AFG2A: variants seen among roughly 807,000 people sequenced by gnomAD.
AFG2A encodes ATPase family gene 2 protein homolog A.
At chr4:123,247,083 T>C in the AFG2A span, among the ~76,000 whole-genome samples, 1 of 152,194 alleles carries the variant, frequency 6.6e-6, no homozygotes, top group East Asian at 1.9e-4. Flanking sequence ...GATTTTGTTT[T>C]TAAAAATACA....
the AFG2A span, among the ~76,000 whole-genome samples, chr4:123,040,075 TATTC>T: frequency 2.0e-5 from 3 of 152,130 alleles, no homozygotes; most frequent in Admixed American, 2.0e-4. Context: ...GTAATATTCT[TATTC>T]ATTTTCTTTT....
the AFG2A span, among the ~76,000 whole-genome samples, chr4:123,198,466 T>C: frequency 1.9e-4 from 29 of 152,340 alleles, no homozygotes; most frequent in East Asian, 5.6e-3. Context: ...AACTGCCTGG[T>C]TGAACCCCTT....
the AFG2A span, among the ~76,000 whole-genome samples, chr4:123,000,274 T>C: frequency 6.0e-4 from 91 of 150,758 alleles, no homozygotes; most frequent in Middle Eastern, 3.4e-3. Context: ...ACTTCCTCTT[T>C]TCCTAACTGA....
At chr4:123,125,053 G>A in the AFG2A span, among the ~76,000 whole-genome samples, 3 of 152,258 alleles carry the variant, frequency 2.0e-5, no homozygotes, top group East Asian at 5.8e-4. Context: ...TATTCCAGAT[G>A]TGTTCACATA....
At chr4:123,058,449 A>T in the AFG2A span, among the ~76,000 whole-genome samples, 4 of 152,138 alleles carry the variant, frequency 2.6e-5, no homozygotes, top group Non-Finnish European at 4.4e-5. Flanking sequence ...ACATGGTGAA[A>T]CGCTGTCTCT....
At chr4:122,950,114 G>C in the AFG2A span, among the ~76,000 whole-genome samples, 1 of 152,186 alleles carries the variant, frequency 6.6e-6, no homozygotes, top group Non-Finnish European at 1.5e-5. Flanking sequence ...ATACATGATG[G>C]GGTGATGAGA....
At chr4:123,218,490 A>G in the AFG2A span, among the ~76,000 whole-genome samples, 1 of 152,164 alleles carries the variant, frequency 6.6e-6, no homozygotes, top group Admixed American at 6.5e-5. Flanking sequence ...GTTGACTATG[A>G]ACTCCTTCGT....
chr4:122,998,873 T>C, the AFG2A span, among the ~76,000 whole-genome samples: 1 of 152,222 alleles, frequency 6.6e-6, no homozygotes, highest in Non-Finnish European at 1.5e-5. Flanking sequence ...TCTAGATCCC[T>C]GAGGAATTGC....
chr4:123,066,480 G>T, the AFG2A span, among the ~76,000 whole-genome samples: 2 of 151,976 alleles, frequency 1.3e-5, no homozygotes, highest in African/African-American at 4.8e-5. Flanking sequence ...TTCTTTTGTG[G>T]CCTAGACAAG....
the AFG2A span, among the ~76,000 whole-genome samples, chr4:123,155,030 G>A: frequency 6.6e-6 from 1 of 151,668 alleles, no homozygotes; most frequent in Non-Finnish European, 1.5e-5. Context: ...CTTGATCTGT[G>A]AACATTCTCT....
the AFG2A span, among the ~76,000 whole-genome samples, chr4:123,031,688 A>G: frequency 6.6e-6 from 1 of 152,204 alleles, no homozygotes; most frequent in South Asian, 2.1e-4. Flanking sequence ...TGAAAGGAAA[A>G]ACTCCCTATC....
At chr4:123,005,970 T>C in the AFG2A span, among the ~76,000 whole-genome samples, 2 of 152,242 alleles carry the variant, frequency 1.3e-5, no homozygotes, top group African/African-American at 2.4e-5. Context: ...ATGTACTCAA[T>C]GTAGTCACCA....
At chr4:123,146,591 A>G in the AFG2A span, among the ~76,000 whole-genome samples, 2 of 152,170 alleles carry the variant, frequency 1.3e-5, no homozygotes, top group African/African-American at 4.8e-5. Context: ...CTGTTTAATA[A>G]TAGACATCAG....
the AFG2A span, among the ~76,000 whole-genome samples, chr4:123,230,412 A>G: frequency 6.6e-6 from 1 of 151,976 alleles, no homozygotes; most frequent in Non-Finnish European, 1.5e-5. Context: ...AAGTTTTTTC[A>G]TGAGATTCCT....
At chr4:123,006,671 T>G in the AFG2A span, among the ~76,000 whole-genome samples, 2 of 152,146 alleles carry the variant, frequency 1.3e-5, no homozygotes, top group East Asian at 3.8e-4. Flanking sequence ...TTGTGGACAT[T>G]GTAGTTTTCT....
At chr4:123,093,380 G>A in the AFG2A span, among the ~76,000 whole-genome samples, 2 of 152,180 alleles carry the variant, frequency 1.3e-5, no homozygotes, top group African/African-American at 2.4e-5. Flanking sequence ...CTGGGTCACT[G>A]CCATGGAAAC....
the AFG2A span, among the ~76,000 whole-genome samples, chr4:123,203,155 CT>C: frequency 0.048 from 6,210 of 128,970 alleles, 227 homozygotes; most frequent in South Asian, 0.12. Flanking sequence ...AATAGTTGTA[CT>C]TTTTTTTTTT....
the AFG2A span, among the ~76,000 whole-genome samples, chr4:123,286,446 GA>G: frequency 1.3e-5 from 2 of 152,114 alleles, no homozygotes; most frequent in Non-Finnish European, 2.9e-5. Context: ...ATTCAGAGAA[GA>G]AAAATTAATA....
chr4:122,948,449 T>A, the AFG2A span, among the ~76,000 whole-genome samples: 1 of 147,948 alleles, frequency 6.8e-6, no homozygotes. Flanking sequence ...TGTAATCAGA[T>A]CCATTGGTGG....
Sources: gnomAD v4.1 joint callset for allele counts (sites outside exome capture counted in the v4.1 genomes callset) on GRCh38, gnomAD v4.1.1 for gene constraint, MANE v1.5 for transcripts, NCBI Gene and HGNC (gene_info 2026-07-23, HGNC 2026-07-21) for gene names.